Variants in ATP6AP2 observed in about 807,000 individuals in gnomAD.
ATP6AP2 encodes the protein ATPase H+ transporting accessory protein 2.
Under a neutral mutation model 23.4 loss-of-function variants are expected in ATP6AP2, and 1 was observed. That is an observed-to-expected ratio of 0.04 (90% confidence interval 0.02 to 0.20). ATP6AP2 has a LOEUF of 0.20. ATP6AP2 is among the 10% of genes least tolerant of loss of function. The pLI is 1.00. For synonymous variants in ATP6AP2, 90 were observed against 97.1 expected (o/e 0.93, Z 0.43); for missense variants, 174 against 271.3 (o/e 0.64, Z 2.52).
At position 40,597,601 on chromosome X, in the gene ATP6AP2, C is replaced by T. The variant is rs1273275283; in HGVS notation, c.471C>T (p.Arg157=). The T allele has an allele frequency of 8.3e-7, 1 of 1,210,069 alleles. No individual in the cohort carries two copies. The highest frequency in any genetic ancestry group is 1.8e-5 in the South Asian group (1 of 56,978). Residue 157 remains arginine (R), a synonymous_variant, in exon 5 of 9, where the codon CGC becomes CGT. Transcript: ENST00000636580. ...TCACCTTGCGCCAGCTCCGTAATCGCCTGTTTCAAGAAAACTCTGTTCTCA... is the reference window on the plus strand; with the variant it reads ...TCACCTTGCGCCAGCTCCGTAATCGTCTGTTTCAAGAAAACTCTGTTCTCA... ...LSVTLRQLRN[R]LFQENSVLSS... is the part of the protein sequence containing the mutation.
chrX:40,599,986 G>C, intron 7 of ATP6AP2: 1 of 364,159 alleles, frequency 2.7e-6, no homozygotes, highest in Non-Finnish European at 4.8e-6. Flanking sequence ...AATTATTGTG[G>C]TAAAATATAT....
intron 1 of ATP6AP2, 97 bp downstream of exon 1, chrX:40,581,199 G>A: frequency 2.3e-6 from 2 of 873,827 alleles, no homozygotes; most frequent in African/African-American, 4.3e-5. Context: ...TGCGAGGCAG[G>A]TGCCGCAGTG....
intron 8 of ATP6AP2, among the ~76,000 whole-genome samples, chrX:40,603,772 T>C (rs1288739066): frequency 9.0e-6 from 1 of 111,092 alleles, no homozygotes; most frequent in Non-Finnish European, 1.9e-5. Flanking sequence ...AGACAGGGTC[T>C]CGCCCTGTCC....
chrX:40,596,267 C>T (rs761341720), intron 3 of ATP6AP2, among the ~76,000 whole-genome samples: 10 of 111,573 alleles, frequency 9.0e-5, no homozygotes, highest in Non-Finnish European at 1.7e-4. Flanking sequence ...TACTTTGCTA[C>T]TTGTAAACAT....
chrX:40,581,271 C>T lies in ATP6AP2; in HGVS notation c.37+169C>T, dbSNP rs770158244. Among the ~76,000 whole-genome samples the T allele has an allele frequency of 5.3e-5, 6 of 113,436 alleles. No individual in the cohort carries two copies. In the South Asian group the frequency reaches 1.4e-3, roughly 27 times the overall value. ...CCGTCAGCATCTTCTCTGGATCGGC[C>T]GTGGCGGCGCGGCCTCACGGGCCGC... is the stretch of plus-strand genomic sequence containing the variant. On this transcript the variant is annotated intron_variant, in intron 1 of 8. Coordinates refer to ENST00000636580, the MANE Select transcript of ATP6AP2 (RefSeq NM_005765.3).
Position 40,580,982 on chromosome X carries a change from G to T in ATP6AP2, c.-84G>T. 1 of 1,112,220 alleles carries T rather than the reference G, an allele frequency of 9.0e-7. No individual in the cohort carries two copies. The highest frequency in any genetic ancestry group is 1.2e-6 in the Non-Finnish European group (1 of 826,829). 91.7% of individuals were successfully genotyped at this position (1,112,220 alleles called of 1,213,427 possible). On this transcript the variant is annotated 5_prime_UTR_variant, in exon 1 of 9. Coordinates refer to ENST00000636580, the MANE Select transcript of ATP6AP2 (RefSeq NM_005765.3). Reference sequence around the variant, plus strand: ...CGGGAGCCTGGACGAGTCCGAGCGCGTCACCTCCTCACGCTGCGGCTGTCG... The same window carrying T: ...CGGGAGCCTGGACGAGTCCGAGCGCTTCACCTCCTCACGCTGCGGCTGTCG...
At chrX:40,601,215 G>C (rs746690366) in intron 8 of ATP6AP2, among the ~76,000 whole-genome samples, 2 of 111,701 alleles carry the variant, frequency 1.8e-5, no homozygotes, top group Non-Finnish European at 3.8e-5. Flanking sequence ...TGTAATTGCA[G>C]CTTCTCAGGA....
intron 3 of ATP6AP2, 107 bp from the exon 4 acceptor site, chrX:40,597,142 A>T: frequency 1.6e-6 from 1 of 639,207 alleles, no homozygotes; most frequent in Non-Finnish European, 2.5e-6. Context: ...AAATTTCCAT[A>T]GAAAGTGCTG....
intron 1 of ATP6AP2, among the ~76,000 whole-genome samples, chrX:40,584,906 G>A (rs1427262226): frequency 6.3e-5 from 7 of 111,692 alleles, no homozygotes. Context: ...ACCACACCTG[G>A]CCTCATTTTT....
At chrX:40,586,501 T>C (rs1488931894) in intron 1 of ATP6AP2, among the ~76,000 whole-genome samples, 1 of 111,697 alleles carries the variant, frequency 9.0e-6, no homozygotes, top group East Asian at 2.8e-4. Context: ...CTCTGTTTTC[T>C]CTGTGAAGCT....
chrX:40,586,962 G>GT (rs1464683356), intron 1 of ATP6AP2, among the ~76,000 whole-genome samples: 1 of 112,363 alleles, frequency 8.9e-6, no homozygotes, highest in Admixed American at 9.4e-5. Flanking sequence ...TCAAAATATG[G>GT]TTTTTTAAAT....
intron 7 of ATP6AP2, chrX:40,600,045 G>A (rs1311740500): frequency 3.7e-6 from 1 of 272,069 alleles, no homozygotes; most frequent in East Asian, 8.8e-5. Context: ...CAGTTCAGTG[G>A]TATTAAGTGC....
chrX:40,597,868 A>T (rs1010586782), intron 5 of ATP6AP2: 12 of 402,746 alleles, frequency 3.0e-5, no homozygotes, highest in Non-Finnish European at 5.1e-5. Flanking sequence ...GAAATTTTGG[A>T]AATTTTGCTA....
In ATP6AP2 at chrX:40,585,022, G is replaced by A. The variant is rs185904567; in HGVS notation, c.37+3920G>A. On this transcript the variant is annotated intron_variant, in intron 1 of 8. Transcript: ENST00000636580. ...GGCCTCCCAAAGTGCTGGGATTACA[G>A]GTGTGAGCCATCATGCCTGGCCTAT... is the stretch of plus-strand genomic sequence containing the variant. Among the ~76,000 whole-genome samples, 5 of 112,398 alleles carry A rather than the reference G, an allele frequency of 4.4e-5. No individual in the cohort carries two copies. In the East Asian group the frequency reaches 8.4e-4, roughly 19 times the overall value.
chrX:40,581,405 A>G (rs1167077488), intron 1 of ATP6AP2, among the ~76,000 whole-genome samples: 4 of 112,888 alleles, frequency 3.5e-5, no homozygotes, highest in Admixed American at 1.9e-4. Context: ...CCTTCAGAGT[A>G]CGGAGATGCA....
chrX:40,584,015 T>C (rs1036948886), intron 1 of ATP6AP2, among the ~76,000 whole-genome samples: 8 of 112,109 alleles, frequency 7.1e-5, no homozygotes, highest in Middle Eastern at 4.6e-3. Flanking sequence ...ATCTCCAAAG[T>C]GGAGTATGCT....
chrX:40,588,512 A>G (rs1037661035), intron 1 of ATP6AP2, among the ~76,000 whole-genome samples: 12 of 110,718 alleles, frequency 1.1e-4, no homozygotes, highest in African/African-American at 3.9e-4. Context: ...TAATTTAGAG[A>G]TTTCAAGCTT....
intron 5 of ATP6AP2, 65 bp from the exon 6 acceptor site, chrX:40,598,616 A>G: frequency 9.6e-7 from 1 of 1,044,632 alleles, no homozygotes; most frequent in Non-Finnish European, 1.3e-6. Flanking sequence ...TTGCTTGGTA[A>G]ATGGCAAATA....
chrX:40,602,770 A>AATTT (rs1402771960), intron 8 of ATP6AP2, among the ~76,000 whole-genome samples: 3 of 108,129 alleles, frequency 2.8e-5, no homozygotes, highest in Non-Finnish European at 5.8e-5. Flanking sequence ...ACTCCAGATA[A>AATTT]AGCTGGGGAC....
Sources: allele counts gnomAD v4.1 joint callset (sites outside exome capture counted in the v4.1 genomes callset), GRCh38; gene constraint gnomAD v4.1.1; transcripts MANE v1.5; gene names NCBI Gene and HGNC (gene_info 2026-07-23, HGNC 2026-07-21).